The following MAP2K7 variants were observed in gnomAD, a reference collection of about 807,000 sequenced individuals.
The protein encoded by MAP2K7 is dual specificity mitogen-activated protein kinase kinase 7.
A neutral mutation model predicts 47.7 loss-of-function variants in MAP2K7; 12 were observed. The ratio of observed to expected loss-of-function variants is 0.25; its 90% CI spans 0.16 to 0.41. The LOEUF (loss-of-function observed/expected upper bound fraction) is 0.41. MAP2K7 is among the 10% of genes least tolerant of loss of function. The pLI is 1.00. For synonymous variants in MAP2K7, 299 were observed against 243.0 expected (o/e 1.23, Z -2.14); for missense variants, 415 against 600.3 (o/e 0.69, Z 3.23).
At chr19:7,912,248 C>T (rs1787799539) in intron 10 of MAP2K7, 49 bp from the exon 11 acceptor site, 2 of 1,613,556 alleles carry the variant, frequency 1.2e-6, no homozygotes, top group Non-Finnish European at 1.7e-6. Flanking sequence ...GGCGCGAGGC[C>T]AGGAGGGAAG....
chr19:7,907,395 CGTGCGTGCACTTGCACGGCAT>C (rs1453231096), intron 1 of MAP2K7, among the ~76,000 whole-genome samples: 7 of 152,170 alleles, frequency 4.6e-5, no homozygotes, highest in African/African-American at 9.7e-5. Flanking sequence ...GTGTGTTGTG[CGTGCGTGCACTTGCACGGCAT>C]GTGCGTGCAT....
intron 1 of MAP2K7, among the ~76,000 whole-genome samples, chr19:7,908,945 T>C (rs1480897119): frequency 6.6e-6 from 1 of 150,594 alleles, no homozygotes; most frequent in African/African-American, 2.4e-5. Flanking sequence ...GGGTGCCTGC[T>C]GCCTGCCCGC....
chr19:7,905,803 T>C, intron 1 of MAP2K7: 1 of 1,590,506 alleles, frequency 6.3e-7, no homozygotes, highest in Non-Finnish European at 8.6e-7. Context: ...CTTTTCCCCA[T>C]CCAGTTATTG....
At position 7,910,436 on chromosome 19, in the gene MAP2K7, T is replaced by C. The variant is rs776192507; in HGVS notation, c.448-17T>C. On this transcript the variant is annotated splice_polypyrimidine_tract_variant and intron_variant, in intron 4 of 10. Coordinates refer to ENST00000397979, the MANE Select transcript of MAP2K7 (RefSeq NM_145185.4). ...CCAGGCCGGTGCTGAGGCTCCCTCCTGTCCCTGCCTGTGCAGCAAATGCGG... is the reference window on the plus strand; with the variant it reads ...CCAGGCCGGTGCTGAGGCTCCCTCCCGTCCCTGCCTGTGCAGCAAATGCGG... 18 of 1,603,796 alleles carry C rather than the reference T, an allele frequency of 1.1e-5. No homozygotes were observed. The highest frequency in any genetic ancestry group is 1.0e-5 in the Non-Finnish European group (12 of 1,175,660).
intron 1 of MAP2K7, among the ~76,000 whole-genome samples, chr19:7,907,715 G>A (rs1982557215): frequency 6.6e-6 from 1 of 152,206 alleles, no homozygotes; most frequent in African/African-American, 2.4e-5. Context: ...AAGGCCTGGT[G>A]GGCTCTGTCA....
At chr19:7,907,864 T>G (rs1982567139) in intron 1 of MAP2K7, among the ~76,000 whole-genome samples, 3 of 145,296 alleles carry the variant, frequency 2.1e-5, no homozygotes, top group African/African-American at 2.6e-5. Context: ...GGTTGGGGGC[T>G]GGGTTGGGGG....
In MAP2K7 at chr19:7,913,518, G is replaced by T. The variant is rs1327959359; in HGVS notation, c.*1087G>T. ...TGTGACAAGCTCCAGCAGGGGTGGG[G>T]GCCGGGCTGAGGGTGGGGGTGCGAG... is the stretch of plus-strand genomic sequence containing the variant. On this transcript the variant is annotated 3_prime_UTR_variant, in exon 11 of 11. Coordinates refer to ENST00000397979, the MANE Select transcript of MAP2K7 (RefSeq NM_145185.4). 1 of 151,898 alleles carries T rather than the reference G, an allele frequency of 6.6e-6. No individual in the cohort carries two copies. Among genetic ancestry groups the T allele is most frequent in the Non-Finnish European group, 1.5e-5 (1 of 67,974 alleles). The allele number at this position is 151,898 out of a possible 1,614,324, so 9.4% of individuals were successfully genotyped here.
intron 1 of MAP2K7, among the ~76,000 whole-genome samples, chr19:7,909,324 A>T (rs1982661823): frequency 6.6e-6 from 1 of 152,244 alleles, no homozygotes; most frequent in Admixed American, 6.5e-5. Context: ...GCAGAGCCAC[A>T]GCCTGGGCCA....
Position 7,910,360 on chromosome 19 carries a change from T to G in MAP2K7, c.434T>G (p.Val145Gly), listed in dbSNP as rs1401718147. The G allele has an allele frequency of 6.2e-7, 1 of 1,612,634 alleles. No individual in the cohort carries two copies. The highest frequency in any genetic ancestry group is 8.5e-7 in the Non-Finnish European group (1 of 1,179,762). ...WKMRFRKTGH[V>G]IAVKQMRRSG... ...ATGCGCTTCCGGAAGACCGGCCACGTCATTGCCGTTAAGGTGAGCCTTGGC... is the reference window on the plus strand; with the variant it reads ...ATGCGCTTCCGGAAGACCGGCCACGGCATTGCCGTTAAGGTGAGCCTTGGC... The change falls in exon 4 of 11, where the codon GTC becomes GGC. Residue 145 changes from valine (V) to glycine (G), a missense_variant. This residue lies in a region of MAP2K7 where 206 missense variants were observed against 368.8 expected (regional missense o/e 0.56). Transcript: ENST00000397979.
chr19:7,912,031 C>A, intron 9 of MAP2K7, 118 bp from the exon 10 acceptor site: 1 of 892,296 alleles, frequency 1.1e-6, no homozygotes, highest in Non-Finnish European at 1.8e-6. Flanking sequence ...TCCACAGCTC[C>A]TTCCCCCACA....
At position 7,910,148 on chromosome 19, in the gene MAP2K7, C is replaced by CGGG; in HGVS notation, c.333+21_333+23dup. 1.3e-6 allele frequency: 2 copies of CGGG among 1,596,894 alleles called. No individual in the cohort carries two copies. The highest frequency in any genetic ancestry group is 2.2e-5 in the South Asian group (2 of 89,440). On this transcript the variant is annotated intron_variant, in intron 3 of 10. Transcript: ENST00000397979. The stretch of plus-strand genomic sequence containing the variant: ...GGGCCAGGTACCACCTTCACTGTGG[C>CGGG]GGGGAGAGGGAGGAGGCCCAGCCAG...
chr19:7,904,398 G>GA, intron 1 of MAP2K7: 1 of 308,800 alleles, frequency 3.2e-6, no homozygotes, highest in Non-Finnish European at 6.7e-6. Context: ...AGGTCGCCCC[G>GA]AAAACACAGA....
Position 7,912,406 on chromosome 19 carries a change from A to G in MAP2K7, c.1235A>G (p.Gln412Arg). 6.2e-7 allele frequency: 1 copy of G among 1,612,590 alleles called. No homozygotes were observed. Among genetic ancestry groups the G allele is most frequent in the South Asian group, 1.1e-5 (1 of 91,084 alleles). The change falls in exon 11 of 11, where the codon CAG becomes CGG. Residue 412 changes from glutamine (Q) to arginine (R), a missense_variant. Around this residue, in one of 3 missense-constraint regions of MAP2K7, gnomAD observed 94 missense variants for 105.2 expected, o/e 0.89. Coordinates refer to ENST00000397979, the MANE Select transcript of MAP2K7 (RefSeq NM_145185.4). Reference sequence around the variant, plus strand: ...CCGCGGACTAGCGGCGTCCTGAGCCAGCCCCACCTGCCCTTCTTCAGGTAG... The same window carrying G: ...CCGCGGACTAGCGGCGTCCTGAGCCGGCCCCACCTGCCCTTCTTCAGGTAG... ...ESPRTSGVLS[Q>R]PHLPFFR
Position 7,914,322 on chromosome 19 carries a change from G to C in MAP2K7, c.*1891G>C, listed in dbSNP as rs1325977919. 6.6e-6 allele frequency: 1 copy of C among 152,372 alleles called. No homozygotes were observed. The highest frequency in any genetic ancestry group is 1.5e-5 in the Non-Finnish European group (1 of 68,056). 9.4% of individuals were successfully genotyped at this position (152,372 alleles called of 1,614,324 possible). On this transcript the variant is annotated 3_prime_UTR_variant, in exon 11 of 11. Coordinates refer to ENST00000397979, the MANE Select transcript of MAP2K7 (RefSeq NM_145185.4). ...ATCCCTCTGGACCAGGCAGAGGGCG[G>C]ACCGGGTGGGCAGGGGCCTGAGGGT...
chr19:7,905,907 C>T (rs1441021404), intron 1 of MAP2K7: 24 of 1,555,506 alleles, frequency 1.5e-5, no homozygotes, highest in Middle Eastern at 3.5e-4. Flanking sequence ...TTGACCTAAC[C>T]GCTGCCCCGG....
At chr19:7,904,145 A>G in intron 1 of MAP2K7, 77 bp downstream of exon 1, 1 of 1,134,496 alleles carries the variant, frequency 8.8e-7, no homozygotes, top group Non-Finnish European at 1.1e-6. Context: ...CCCCCACCAC[A>G]AGGCCCCGCC....
intron 1 of MAP2K7, chr19:7,905,861 A>G (rs1308670066): frequency 6.2e-7 from 1 of 1,612,160 alleles, no homozygotes; most frequent in African/African-American, 1.3e-5. Context: ...AGCAGGTACC[A>G]GCCTTTTTAT....
At chr19:7,905,993 C>A in intron 1 of MAP2K7, 1 of 783,372 alleles carries the variant, frequency 1.3e-6, no homozygotes, top group Non-Finnish European at 2.2e-6. Context: ...CACTTTCTCT[C>A]TCACTCCACT....
At chr19:7,908,676 G>A (rs376385374) in intron 1 of MAP2K7, among the ~76,000 whole-genome samples, 12 of 152,048 alleles carry the variant, frequency 7.9e-5, no homozygotes, top group African/African-American at 2.7e-4. Flanking sequence ...GTGTGTAGCC[G>A]TTGTCAGGGC....
Sources: allele counts gnomAD v4.1 joint callset (sites outside exome capture counted in the v4.1 genomes callset), GRCh38; gene constraint gnomAD v4.1.1; regional missense constraint gnomAD v4.1.1; transcripts MANE v1.5; gene names NCBI Gene and HGNC (gene_info 2026-07-23, HGNC 2026-07-21).